The following RERE variants were observed in gnomAD, a reference collection of about 807,000 sequenced individuals.
RERE encodes arginine-glutamic acid dipeptide repeats protein.
Under a neutral mutation model 146.1 loss-of-function variants are expected in RERE, and 40 were observed. That is an observed-to-expected ratio of 0.27 (90% confidence interval 0.21 to 0.36). The LOEUF is 0.36. Ranked by LOEUF, RERE falls within the 10% of genes least tolerant of loss-of-function variation. The pLI is 1.00. For synonymous variants in RERE, 1,003 were observed against 866.0 expected (o/e 1.16, Z -2.78); for missense variants, 1,933 against 2,138.7 (o/e 0.90, Z 1.90).
chr1:8,436,521 G>A (rs764160050), intron 11 of RERE, among the ~76,000 whole-genome samples: 2 of 151,970 alleles, frequency 1.3e-5, no homozygotes, highest in Non-Finnish European at 2.9e-5. Context: ...AGAGAAATAA[G>A]CTAAAAAAAG....
intron 8 of RERE, among the ~76,000 whole-genome samples, chr1:8,502,666 A>C (rs1363500123): frequency 6.7e-6 from 1 of 150,232 alleles, no homozygotes; most frequent in Non-Finnish European, 1.5e-5. Context: ...GTGGGGAAAA[A>C]ATTGAGAAAT....
rs183088224 is a variant in RERE, at chr1:8,710,205, A to T, written c.-144-53764T>A. On this transcript the variant is annotated intron_variant, in intron 1 of 22. Transcript: ENST00000400908. ...GCCCTATGGGTTCCACCATAATGGC[A>T]TTCCACAGACACTCTCAATCCCAAA... Among the ~76,000 whole-genome samples, 485 of 152,334 alleles carry T rather than the reference A, an allele frequency of 3.2e-3. 3 individuals carry two copies. Among genetic ancestry groups the T allele is most frequent in the African/African-American group, 0.011 (469 of 41,576 alleles).
intron 2 of RERE, among the ~76,000 whole-genome samples, chr1:8,640,939 C>G (rs1415466471): frequency 6.6e-6 from 1 of 152,192 alleles, no homozygotes; most frequent in African/African-American, 2.4e-5. Context: ...CATGCACAGC[C>G]ATCTATTCTG....
chr1:8,680,584 G>C (rs368627089), intron 1 of RERE, among the ~76,000 whole-genome samples: 1 of 152,320 alleles, frequency 6.6e-6, no homozygotes, highest in African/African-American at 2.4e-5. Context: ...GGAAGACAGA[G>C]GAGGAGTCTG....
chr1:8,658,082 T>A (rs1279867238), intron 1 of RERE, among the ~76,000 whole-genome samples: 3 of 152,198 alleles, frequency 2.0e-5, no homozygotes, highest in African/African-American at 7.2e-5. Context: ...CTTACAGATA[T>A]TTTATAGCAG....
chr1:8,654,530 T>A (rs542480624), intron 2 of RERE, among the ~76,000 whole-genome samples: 5 of 152,148 alleles, frequency 3.3e-5, no homozygotes, highest in Admixed American at 1.3e-4. Context: ...GCTAATTACA[T>A]CTCATACAAA....
In RERE at chr1:8,634,870, G is replaced by A. The variant is rs1308062040; in HGVS notation, c.326-10490C>T. 2.0e-5 allele frequency among the ~76,000 whole-genome samples: 3 copies of A among 152,022 alleles called. No individual in the cohort carries two copies. The East Asian group carries it at 5.8e-4, about 29-fold the overall frequency. On this transcript the variant is annotated intron_variant, in intron 2 of 22. Coordinates refer to ENST00000400908, the MANE Select transcript of RERE (RefSeq NM_001042681.2). Reference sequence around the variant, plus strand: ...CCTACCTCAGCCTCATGAGTAGCTGGGACTACAGGTGCCCACCACCACGCC... The same window carrying A: ...CCTACCTCAGCCTCATGAGTAGCTGAGACTACAGGTGCCCACCACCACGCC...
At chr1:8,733,746 A>C (rs578045521) in intron 1 of RERE, among the ~76,000 whole-genome samples, 2 of 152,332 alleles carry the variant, frequency 1.3e-5, no homozygotes, top group African/African-American at 4.8e-5. Context: ...TGGGATAACA[A>C]ATGCTGAATG....
At chr1:8,796,000 A>C (rs1262653336) in intron 1 of RERE, among the ~76,000 whole-genome samples, 3,280 of 104,844 alleles carry the variant, frequency 0.031, 193 homozygotes, top group African/African-American at 0.093. Context: ...AAAAAAAAAC[A>C]AAACAAAACA....
chr1:8,448,963 T>C (rs1570257608), intron 11 of RERE, among the ~76,000 whole-genome samples: 1 of 151,858 alleles, frequency 6.6e-6, no homozygotes, highest in African/African-American at 2.4e-5. Flanking sequence ...ACAGGAAACC[T>C]CACGCATGAA....
At chr1:8,743,159 G>A (rs571416364) in intron 1 of RERE, among the ~76,000 whole-genome samples, 1 of 152,172 alleles carries the variant, frequency 6.6e-6, no homozygotes, top group African/African-American at 2.4e-5. Context: ...ACTTTGGGAG[G>A]CTAACATGGG....
At chr1:8,634,341 A>C (rs1001308868) in intron 2 of RERE, among the ~76,000 whole-genome samples, 2 of 152,236 alleles carry the variant, frequency 1.3e-5, no homozygotes, top group Non-Finnish European at 2.9e-5. Context: ...AAAATGAAGG[A>C]TCAAGGGCTA....
chr1:8,624,944 C>CT (rs1393959084), intron 2 of RERE, among the ~76,000 whole-genome samples: 3 of 152,170 alleles, frequency 2.0e-5, no homozygotes, highest in Non-Finnish European at 4.4e-5. Context: ...ACATTGTACC[C>CT]TAAACACATT....
chr1:8,525,720 C>G, intron 7 of RERE: 1 of 1,567,784 alleles, frequency 6.4e-7, no homozygotes, highest in Non-Finnish European at 8.6e-7. Flanking sequence ...GCAGCAAAAC[C>G]CATCACTGTT....
chr1:8,546,668 T>C (rs1470636300), intron 6 of RERE, among the ~76,000 whole-genome samples: 1 of 151,878 alleles, frequency 6.6e-6, no homozygotes, highest in Admixed American at 6.6e-5. Context: ...GCCAACATAG[T>C]GAAACCTTGT....
intron 11 of RERE, among the ~76,000 whole-genome samples, chr1:8,463,638 A>T (rs1644556903): frequency 6.6e-6 from 1 of 152,162 alleles, no homozygotes; most frequent in Non-Finnish European, 1.5e-5. Flanking sequence ...TCACAAGAGA[A>T]ATGAAAGAAG....
intron 12 of RERE, among the ~76,000 whole-genome samples, chr1:8,390,893 A>G (rs886748899): frequency 2.0e-5 from 3 of 152,088 alleles, no homozygotes; most frequent in Non-Finnish European, 4.4e-5. Context: ...CTTCTGATTC[A>G]ACACCAAATC....
At chr1:8,746,377 TG>T (rs1451326462) in intron 1 of RERE, among the ~76,000 whole-genome samples, 2 of 152,128 alleles carry the variant, frequency 1.3e-5, no homozygotes, top group African/African-American at 4.8e-5. Context: ...TAAATCCTCC[TG>T]GCCACCATGA....
chr1:8,616,073 C>T (rs1240683852), intron 3 of RERE, among the ~76,000 whole-genome samples: 1 of 152,106 alleles, frequency 6.6e-6, no homozygotes, highest in Non-Finnish European at 1.5e-5. Context: ...CTTGAATGTA[C>T]AGCATATTCA....
Sources: allele counts gnomAD v4.1 joint callset (sites outside exome capture counted in the v4.1 genomes callset), GRCh38; gene constraint gnomAD v4.1.1; transcripts MANE v1.5; gene names NCBI Gene and HGNC (gene_info 2026-07-23, HGNC 2026-07-21).